Variants in SEMA3E observed in about 807,000 individuals in gnomAD.
The protein encoded by SEMA3E is semaphorin-3E.
SEMA3E carries 49 observed loss-of-function variants against 93.6 expected under a neutral mutation model. The observed-to-expected ratio is 0.52, with a 90% CI of 0.42 to 0.66. The LOEUF is 0.66. Among genes scored for constraint, SEMA3E ranks in the 30% least tolerant of loss-of-function variants. The pLI, the probability that SEMA3E is intolerant of heterozygous loss-of-function variation, is 0.00. For synonymous variants in SEMA3E, 363 were observed against 330.7 expected, an observed-to-expected ratio of 1.10 and a Z score of -1.06; for missense variants, 906 against 964.8, an observed-to-expected ratio of 0.94 and a Z score of 0.81.
chr7:83,450,323 T>G (rs1256078831), intron 4 of SEMA3E, among the ~76,000 whole-genome samples: 1 of 152,106 alleles, frequency 6.6e-6, no homozygotes, highest in Non-Finnish European at 1.5e-5. Context: ...ACAAGAATGC[T>G]CATAGCAGCA....
chr7:83,536,916 T>TCA (rs1355219186), intron 1 of SEMA3E, among the ~76,000 whole-genome samples: 12 of 152,028 alleles, frequency 7.9e-5, no homozygotes, highest in African/African-American at 2.7e-4. Flanking sequence ...ACCCCAAATA[T>TCA]CACTATATTT....
chr7:83,511,399 T>C (rs897052727), intron 1 of SEMA3E, among the ~76,000 whole-genome samples: 3 of 152,116 alleles, frequency 2.0e-5, no homozygotes, highest in African/African-American at 7.2e-5. Context: ...ACAGCATTTA[T>C]AGTTGCCCCA....
chr7:83,448,593 A>C (rs1206765788), intron 4 of SEMA3E, among the ~76,000 whole-genome samples: 1 of 152,202 alleles, frequency 6.6e-6, no homozygotes, highest in Non-Finnish European at 1.5e-5. Flanking sequence ...TGTTTCAGCA[A>C]ATGTGAAATA....
chr7:83,473,459 GCT>G (rs770283305), intron 2 of SEMA3E, among the ~76,000 whole-genome samples: 7 of 152,102 alleles, frequency 4.6e-5, no homozygotes, highest in Non-Finnish European at 1.0e-4. Context: ...CCCAGCTTAT[GCT>G]CTGTCAGCCT....
At chr7:83,435,620 G>A (rs889512658) in intron 4 of SEMA3E, among the ~76,000 whole-genome samples, 8 of 151,658 alleles carry the variant, frequency 5.3e-5, no homozygotes, top group African/African-American at 1.9e-4. Context: ...AATAAAGAAA[G>A]AAAGAAAAGA....
intron 2 of SEMA3E, among the ~76,000 whole-genome samples, chr7:83,474,095 TAAAAAAAAA>T (rs11324407): frequency 9.2e-6 from 1 of 108,596 alleles, no homozygotes; most frequent in Non-Finnish European, 1.9e-5. Flanking sequence ...CTATCTCAAT[TAAAAAAAAA>T]AAAAAAAAAA....
At chr7:83,619,912 TAGATAGATAGAC>T (rs1029525362) in intron 1 of SEMA3E, among the ~76,000 whole-genome samples, 53 of 135,136 alleles carry the variant, frequency 3.9e-4, no homozygotes, top group African/African-American at 1.3e-3. Flanking sequence ...GACAGATAGA[TAGATAGATAGAC>T]AGATAGATAG....
In SEMA3E at chr7:83,402,735, G is replaced by A. The variant is rs1413324918; in HGVS notation, c.1040C>T (p.Ser347Phe). The A allele has an allele frequency of 2.5e-6, 4 of 1,612,826 alleles. No individual in the cohort carries two copies. Among genetic ancestry groups the A allele is most frequent in the Non-Finnish European group, 3.4e-6 (4 of 1,179,142 alleles). Residue 347 changes from serine to phenylalanine, a missense_variant, in exon 10 of 17, where the codon TCT (serine) becomes TTT (phenylalanine). By Grantham distance (155) the Ser-to-Phe change is radical. Transcript: ENST00000643230. ...RGHAICVYHMSSIRAAFNGPY... is the reference protein window; with the variant it reads ...RGHAICVYHMFSIRAAFNGPY... ...TCCGTTGAAGGCTGCCCGAATGCTA[G>A]ACATGTGATAGACACATATAGCATG...
chr7:83,500,326 C>T (rs2115597194), intron 1 of SEMA3E, among the ~76,000 whole-genome samples: 1 of 152,190 alleles, frequency 6.6e-6, no homozygotes, highest in East Asian at 2.0e-4. Context: ...GTCCCAGCTA[C>T]TAGGGAGGCT....
At chr7:83,627,521 C>G (rs1310595811) in intron 1 of SEMA3E, among the ~76,000 whole-genome samples, 1 of 151,114 alleles carries the variant, frequency 6.6e-6, no homozygotes, top group Non-Finnish European at 1.5e-5. Context: ...ATAGTTAGCT[C>G]TTCTTGTTGC....
At chr7:83,489,698 A>G (rs1790339862) in intron 2 of SEMA3E, among the ~76,000 whole-genome samples, 1 of 152,114 alleles carries the variant, frequency 6.6e-6, no homozygotes, top group African/African-American at 2.4e-5. Context: ...TGAAGTAGTG[A>G]TATTACCAAC....
Position 83,611,894 on chromosome 7 carries a change from G to A in SEMA3E, c.115+36534C>T, listed in dbSNP as rs368540458. Among the ~76,000 whole-genome samples the A allele has an allele frequency of 7.9e-5, 12 of 152,086 alleles. 1 individual carries two copies. The highest frequency in any genetic ancestry group is 6.6e-5 in the Admixed American group (1 of 15,254). ...CTCTTTAATGGCTTTCCATCATACAGCTTATGTCTTACCTTTAGCATGGCA... is the reference window on the plus strand; with the variant it reads ...CTCTTTAATGGCTTTCCATCATACAACTTATGTCTTACCTTTAGCATGGCA... On this transcript the variant is annotated intron_variant, in intron 1 of 16. Coordinates refer to ENST00000643230, the MANE Select transcript of SEMA3E (RefSeq NM_012431.3).
chr7:83,539,269 G>C (rs940829314), intron 1 of SEMA3E, among the ~76,000 whole-genome samples: 9 of 152,140 alleles, frequency 5.9e-5, no homozygotes, highest in African/African-American at 2.2e-4. Context: ...CAGATTTTTA[G>C]AAGTTATCCC....
intron 1 of SEMA3E, among the ~76,000 whole-genome samples, chr7:83,624,980 G>C (rs1793641023): frequency 2.0e-5 from 3 of 152,112 alleles, no homozygotes; most frequent in African/African-American, 7.2e-5. Flanking sequence ...ATTAAATAGG[G>C]AATCCTTTCC....
At chr7:83,576,884 A>T (rs966475136) in intron 1 of SEMA3E, among the ~76,000 whole-genome samples, 1 of 152,196 alleles carries the variant, frequency 6.6e-6, no homozygotes, top group African/African-American at 2.4e-5. Context: ...GGCCTCCCAA[A>T]GTGCTGAGAT....
In SEMA3E at chr7:83,364,762, C is replaced by G. The variant is rs949931913; in HGVS notation, c.*2824G>C. 1 of 152,080 alleles carries G rather than the reference C, an allele frequency of 6.6e-6. No homozygotes were observed. The highest frequency in any genetic ancestry group is 1.5e-5 in the Non-Finnish European group (1 of 68,008). The allele number at this position is 152,080 out of a possible 1,614,324, so 9.4% of individuals were successfully genotyped here. A position where few individuals can be genotyped will look rare whatever the true frequency, so the allele number is the denominator to read the frequency against. ...AGGAGACCGGCCCTCGATGGAGGTG[C>G]CTCTTAGAAATTAGATGAGTGGTTA... On this transcript the variant is annotated 3_prime_UTR_variant, in exon 17 of 17. Transcript: ENST00000643230.
intron 1 of SEMA3E, among the ~76,000 whole-genome samples, chr7:83,593,863 A>G (rs1472232872): frequency 1.3e-5 from 2 of 152,170 alleles, no homozygotes; most frequent in Non-Finnish European, 2.9e-5. Flanking sequence ...GTGGAAATAC[A>G]TAGCATAACA....
At chr7:83,622,744 A>G (rs905435093) in intron 1 of SEMA3E, among the ~76,000 whole-genome samples, 5 of 152,212 alleles carry the variant, frequency 3.3e-5, no homozygotes, top group African/African-American at 1.2e-4. Context: ...AAAACCAAGC[A>G]CAGCGTGTTC....
chr7:83,458,648 G>A (rs1789543006), intron 4 of SEMA3E, among the ~76,000 whole-genome samples: 1 of 151,722 alleles, frequency 6.6e-6, no homozygotes, highest in Admixed American at 6.6e-5. Flanking sequence ...TACCTTTCAA[G>A]TAAACTATGC....
Sources: gnomAD v4.1 joint callset for allele counts (sites outside exome capture counted in the v4.1 genomes callset) on GRCh38, gnomAD v4.1.1 for gene constraint, MANE v1.5 for transcripts, NCBI Gene and HGNC (gene_info 2026-07-23, HGNC 2026-07-21) for gene names.